CDH12: variants seen among roughly 807,000 people sequenced by gnomAD.
CDH12 encodes cadherin-12.
A neutral mutation model predicts 74.1 loss-of-function variants in CDH12; 41 were observed. The ratio of observed to expected loss-of-function variants is 0.55; its 90% CI spans 0.43 to 0.72. CDH12 has a LOEUF of 0.72. Among genes scored for constraint, CDH12 ranks in the 30% least tolerant of loss-of-function variants. The probability of loss-of-function intolerance (pLI) is 0.00; values close to 1 mark genes in which losing one functional copy is unlikely to be tolerated. For synonymous variants in CDH12, 399 were observed against 355.0 expected (o/e 1.12, Z -1.39); for missense variants, 945 against 977.2 (o/e 0.97, Z 0.44).
Position 21,802,204 on chromosome 5 carries a change from T to A in CDH12, c.1219A>T (p.Thr407Ser). The change falls in exon 10 of 15, where the codon ACT (threonine) becomes TCT (serine). Residue 407 changes from threonine to serine, a missense_variant. Transcript: ENST00000382254. The part of the protein sequence containing the change: ...TPVGTIIGAV[T>S]AQDLDVGSSA... The stretch of plus-strand genomic sequence containing the variant: ...CTGCCTACATCCAGGTCTTGAGCAG[T>A]GACAGCGCCAATGATGGTCCCTACC... 6.2e-7 allele frequency: 1 copy of A among 1,613,916 alleles called. No homozygotes were observed. Among genetic ancestry groups the A allele is most frequent in the Admixed American group, 1.7e-5 (1 of 60,006 alleles).
At chr5:21,978,244 C>T (rs941256174) in intron 5 of CDH12, among the ~76,000 whole-genome samples, 62 of 152,186 alleles carry the variant, frequency 4.1e-4, no homozygotes, top group African/African-American at 1.4e-3. Flanking sequence ...CGGGTTCAAG[C>T]AATTCTCCTG....
At chr5:22,795,791 A>C (rs940799237) in intron 1 of CDH12, among the ~76,000 whole-genome samples, 12 of 151,924 alleles carry the variant, frequency 7.9e-5, no homozygotes, top group African/African-American at 2.7e-4. Flanking sequence ...TGTGGAAATG[A>C]GAAATTATGA....
chr5:22,652,337 A>G (rs770436801), intron 1 of CDH12, among the ~76,000 whole-genome samples: 57 of 152,294 alleles, frequency 3.7e-4, no homozygotes, highest in Admixed American at 5.2e-4. Flanking sequence ...ATATTTAAAA[A>G]GGAGCCTTGT....
intron 9 of CDH12, among the ~76,000 whole-genome samples, chr5:21,805,805 A>T (rs985987032): frequency 6.6e-6 from 1 of 152,208 alleles, no homozygotes; most frequent in East Asian, 1.9e-4. Flanking sequence ...CTAGAAAATA[A>T]ATCATATTCT....
At chr5:21,988,934 C>G (rs1016382880) in intron 5 of CDH12, among the ~76,000 whole-genome samples, 2 of 152,022 alleles carry the variant, frequency 1.3e-5, no homozygotes, top group Admixed American at 1.3e-4. Flanking sequence ...GACAGATTCT[C>G]TAGTAGAAAT....
chr5:22,003,105 T>C (rs1332098758), intron 5 of CDH12, among the ~76,000 whole-genome samples: 1 of 152,106 alleles, frequency 6.6e-6, no homozygotes, highest in Non-Finnish European at 1.5e-5. Context: ...TAAGGGATCT[T>C]ATTGCCAGAG....
chr5:22,663,476 G>C (rs1740451775), intron 1 of CDH12, among the ~76,000 whole-genome samples: 1 of 152,040 alleles, frequency 6.6e-6, no homozygotes, highest in Non-Finnish European at 1.5e-5. Context: ...GCTGAATATT[G>C]TTTATCATCT....
chr5:22,497,724 C>A (rs376596247), intron 2 of CDH12, among the ~76,000 whole-genome samples: 8 of 131,450 alleles, frequency 6.1e-5, no homozygotes, highest in African/African-American at 2.3e-4. Context: ...CTCACTGCAA[C>A]CTCAGCCTCC....
chr5:22,437,861 TA>T (rs1322405504), intron 2 of CDH12, among the ~76,000 whole-genome samples: 1 of 152,032 alleles, frequency 6.6e-6, no homozygotes, highest in African/African-American at 2.4e-5. Context: ...CCCACAGTTG[TA>T]AAAAATCTTA....
intron 6 of CDH12, among the ~76,000 whole-genome samples, chr5:21,949,083 G>T (rs1314707039): frequency 6.6e-6 from 1 of 152,106 alleles, no homozygotes; most frequent in Non-Finnish European, 1.5e-5. Flanking sequence ...AGTAGTGTGA[G>T]AATGGACTAA....
chr5:22,391,695 G>A (rs537126269), intron 3 of CDH12, among the ~76,000 whole-genome samples: 34 of 151,928 alleles, frequency 2.2e-4, no homozygotes, highest in African/African-American at 8.2e-4. Flanking sequence ...ATGTCCTGAG[G>A]TTTTCCTGTG....
intron 3 of CDH12, among the ~76,000 whole-genome samples, chr5:22,261,884 T>A (rs1263195094): frequency 6.6e-6 from 1 of 151,786 alleles, no homozygotes; most frequent in Non-Finnish European, 1.5e-5. Flanking sequence ...TGGCTTACCC[T>A]CAAACAACAA....
intron 4 of CDH12, among the ~76,000 whole-genome samples, chr5:22,202,528 T>C (rs553270067): frequency 1.3e-5 from 2 of 152,278 alleles, no homozygotes; most frequent in African/African-American, 4.8e-5. Flanking sequence ...AAGTTCTCCT[T>C]CTAAGAATGT....
At chr5:22,264,790 C>T (rs1753648705) in intron 3 of CDH12, among the ~76,000 whole-genome samples, 1 of 152,130 alleles carries the variant, frequency 6.6e-6, no homozygotes. Context: ...AAAGAAATGT[C>T]TTCTTCTCTA....
At chr5:22,600,654 T>C (rs1159561489) in intron 1 of CDH12, among the ~76,000 whole-genome samples, 1 of 152,086 alleles carries the variant, frequency 6.6e-6, no homozygotes, top group Non-Finnish European at 1.5e-5. Context: ...TTTGGTATTA[T>C]TGATTTTTGA....
intron 1 of CDH12, among the ~76,000 whole-genome samples, chr5:22,767,209 A>C (rs1746560921): frequency 6.6e-6 from 1 of 152,014 alleles, no homozygotes; most frequent in South Asian, 2.1e-4. Flanking sequence ...TGAATACTAA[A>C]CAATCTCATG....
intron 1 of CDH12, among the ~76,000 whole-genome samples, chr5:22,591,053 T>G (rs111967597): frequency 6.6e-6 from 1 of 152,182 alleles, no homozygotes; most frequent in African/African-American, 2.4e-5. Context: ...CTTGATTTAT[T>G]GCTTTCCTTT....
chr5:22,009,430 G>A (rs1223010267), intron 5 of CDH12, among the ~76,000 whole-genome samples: 1 of 151,940 alleles, frequency 6.6e-6, no homozygotes, highest in African/African-American at 2.4e-5. Context: ...GTCTTCTCTG[G>A]CACCTTCCCA....
At chr5:22,318,951 A>G (rs916466275) in intron 3 of CDH12, among the ~76,000 whole-genome samples, 8 of 152,188 alleles carry the variant, frequency 5.3e-5, no homozygotes, top group Non-Finnish European at 1.2e-4. Context: ...GGACAAAAAA[A>G]TGATTTAAAA....
Sources: gnomAD v4.1 joint callset for allele counts (sites outside exome capture counted in the v4.1 genomes callset) on GRCh38, gnomAD v4.1.1 for gene constraint, MANE v1.5 for transcripts, NCBI Gene and HGNC (gene_info 2026-07-23, HGNC 2026-07-21) for gene names.